The following CCDC106 variants were observed in gnomAD, a reference collection of about 807,000 sequenced individuals.
CCDC106 encodes the protein coiled-coil domain-containing protein 106.
A neutral mutation model predicts 24.7 loss-of-function variants in CCDC106; 17 were observed. The observed-to-expected ratio is 0.69, with a 90% CI of 0.47 to 1.03. The LOEUF is 1.03. Ranked by LOEUF, CCDC106 falls within the 50% of genes least tolerant of loss-of-function variation. The pLI is 0.00. For missense variants in CCDC106, 337 were observed against 388.9 expected (o/e 0.87, Z 1.12); for synonymous variants, 211 against 161.3 (o/e 1.31, Z -2.34).
Position 55,652,173 on chromosome 19 carries a change from G to C in CCDC106, c.527-257G>C, listed in dbSNP as rs974068673. On this transcript the variant is annotated intron_variant, in intron 4 of 4. Coordinates refer to ENST00000586790, the MANE Select transcript of CCDC106 (RefSeq NM_001370470.1). The surrounding 1 kb of genome is among the most constrained non-coding windows in gnomAD (Gnocchi z 5.9). ...GCTGGGACCGCGTGGGTTGAACCCGGCCTCTTGGCTCATTTTGTCTCCTCA... is the reference window on the plus strand; with the variant it reads ...GCTGGGACCGCGTGGGTTGAACCCGCCCTCTTGGCTCATTTTGTCTCCTCA... Among the ~76,000 whole-genome samples, 1 of 151,962 alleles carries C rather than the reference G, an allele frequency of 6.6e-6. No homozygotes were observed. The highest frequency in any genetic ancestry group is 2.4e-5 in the African/African-American group (1 of 41,358).
chr19:55,651,928 C>T (rs768564683), intron 4 of CCDC106, among the ~76,000 whole-genome samples: 5 of 152,156 alleles, frequency 3.3e-5, no homozygotes, highest in Non-Finnish European at 5.9e-5. Flanking sequence ...TCCCAAAGTG[C>T]TGGGATTACA....
At position 55,653,003 on chromosome 19, in the gene CCDC106, C is replaced by T. The variant is rs1983441963; in HGVS notation, c.*257C>T. Reference sequence around the variant, plus strand: ...TCCTGGAAAACCAGGCAGGCGGGTGCCCCCCCCTCGAGTGGGGGACTGTAC... The same window carrying T: ...TCCTGGAAAACCAGGCAGGCGGGTGTCCCCCCCTCGAGTGGGGGACTGTAC... On this transcript the variant is annotated 3_prime_UTR_variant, in exon 5 of 5. Transcript: ENST00000586790. 1 of 365,914 alleles carries T rather than the reference C, an allele frequency of 2.7e-6. No individual in the cohort carries two copies. The highest frequency in any genetic ancestry group is 4.7e-6 in the Non-Finnish European group (1 of 211,660). 22.7% of individuals were successfully genotyped at this position (365,914 alleles called of 1,614,324 possible).
chr19:55,652,545 G>A lies in CCDC106; in HGVS notation c.642G>A (p.Ala214=). 6.2e-7 allele frequency: 1 copy of A among 1,613,576 alleles called. No homozygotes were observed. Among genetic ancestry groups the A allele is most frequent in the Middle Eastern group, 1.6e-4 (1 of 6,062 alleles). The part of the protein sequence containing the change: ...EHHRVDRNTV[A]LTTPIAELLI... ...ACCGCGTGGACAGGAACACCGTGGC[G>A]CTGACCACGCCCATCGCCGAGCTGC... Residue 214 remains alanine, a synonymous_variant, in exon 5 of 5, where the codon GCG becomes GCA. Transcript: ENST00000586790. The surrounding 1 kb of genome is among the most constrained non-coding windows in gnomAD (Gnocchi z 5.9).
chr19:55,652,422 C>T lies in CCDC106; in HGVS notation c.527-8C>T, dbSNP rs757322351. The T allele has an allele frequency of 1.3e-6, 2 of 1,586,826 alleles. No individual in the cohort carries two copies. The highest frequency in any genetic ancestry group is 1.1e-5 in the South Asian group (1 of 88,918). On this transcript the variant is annotated splice_polypyrimidine_tract_variant and splice_region_variant and intron_variant, in intron 4 of 4. Transcript: ENST00000586790. This position sits in a 1 kb window ranked among gnomAD's most constrained non-coding sequence, Gnocchi z 5.9. ...CCTCACTTTCGTGTCCCCGCCTCCACCCCTCAGTGAAGGACGCCGACGGGG... is the reference window on the plus strand; with the variant it reads ...CCTCACTTTCGTGTCCCCGCCTCCATCCCTCAGTGAAGGACGCCGACGGGG...
Position 55,649,201 on chromosome 19 carries a change from CCA to C in CCDC106, c.32-3_32-2del. The C allele has an allele frequency of 6.2e-7, 1 of 1,612,758 alleles. No individual in the cohort carries two copies. The highest frequency in any genetic ancestry group is 1.7e-5 in the Admixed American group (1 of 60,020). Reference sequence around the variant, plus strand: ...TGGGGTAACCCGGGGCCTCTCCTCTCCAGTGAAGGACGATGAGACCTTCGAGA... The same window carrying C: ...TGGGGTAACCCGGGGCCTCTCCTCTCGTGAAGGACGATGAGACCTTCGAGA... On this transcript the variant is annotated splice_acceptor_variant and splice_polypyrimidine_tract_variant and intron_variant, in intron 1 of 4. Coordinates refer to ENST00000586790, the MANE Select transcript of CCDC106 (RefSeq NM_001370470.1). LOFTEE classifies it high-confidence loss of function.
rs559213341 is a variant in CCDC106, at chr19:55,648,764, A to G, written c.-283A>G. On this transcript the variant is annotated 5_prime_UTR_variant, in exon 1 of 5. Coordinates refer to ENST00000586790, the MANE Select transcript of CCDC106 (RefSeq NM_001370470.1). Reference sequence around the variant, plus strand: ...CTTTTCCTTCGATACCCAGGAGCCCACGTCCCCAGCTCACTTCTCCCCCAG... The same window carrying G: ...CTTTTCCTTCGATACCCAGGAGCCCGCGTCCCCAGCTCACTTCTCCCCCAG... 672 of 532,466 alleles carry G rather than the reference A, an allele frequency of 1.3e-3. 1 individual carries two copies. The highest frequency in any genetic ancestry group is 2.0e-3 in the Non-Finnish European group (584 of 299,258). The allele number at this position is 532,466 out of a possible 1,614,324, so 33.0% of individuals were successfully genotyped here. A position where few individuals can be genotyped will look rare whatever the true frequency, so the allele number is the denominator to read the frequency against.
intron 3 of CCDC106, among the ~76,000 whole-genome samples, chr19:55,650,746 C>T (rs1983196611): frequency 6.6e-6 from 1 of 152,182 alleles, no homozygotes; most frequent in East Asian, 1.9e-4. Flanking sequence ...TCGGCACTTT[C>T]CCAGTGGGGA....
Position 55,652,366 on chromosome 19 carries a change from C to T in CCDC106, c.527-64C>T, listed in dbSNP as rs1983366868. The T allele has an allele frequency of 2.8e-6, 4 of 1,414,452 alleles. No homozygotes were observed. The highest frequency in any genetic ancestry group is 1.4e-5 in the African/African-American group (1 of 69,960). The allele number at this position is 1,414,452 out of a possible 1,614,324, so 87.6% of individuals were successfully genotyped here. On this transcript the variant is annotated intron_variant, in intron 4 of 4. Transcript: ENST00000586790. This position sits in a 1 kb window ranked among gnomAD's most constrained non-coding sequence, Gnocchi z 5.9. ...TTCTTCCCATGGCCGTTTCCCTTCC[C>T]GTGTCCGCCCCCTCAGTCTTGTGCC... is the stretch of plus-strand genomic sequence containing the variant.
chr19:55,651,695 G>T (rs556607751), intron 4 of CCDC106, among the ~76,000 whole-genome samples, 200 bp downstream of exon 4: 2 of 151,026 alleles, frequency 1.3e-5, no homozygotes, highest in South Asian at 2.1e-4. Flanking sequence ...GTCTTGCCCC[G>T]TCGCCCAGGC....
In CCDC106 at chr19:55,651,500, G is replaced by C; in HGVS notation, c.526+5G>C. ...AGGCCCGGGAGAGGCAGCGAGGTGA[G>C]TGGGGTGCATGGGGCGGGCGCTGAG... is the stretch of plus-strand genomic sequence containing the variant. On this transcript the variant is annotated splice_donor_5th_base_variant and intron_variant, in intron 4 of 4. Transcript: ENST00000586790. 1.3e-6 allele frequency: 2 copies of C among 1,555,936 alleles called. No individual in the cohort carries two copies. Among genetic ancestry groups the C allele is most frequent in the Non-Finnish European group, 1.7e-6 (2 of 1,150,552 alleles).
In CCDC106 at chr19:55,652,906, G is replaced by T. The variant is rs1393007238; in HGVS notation, c.*160G>T. 3.1e-6 allele frequency: 2 copies of T among 641,368 alleles called. No individual in the cohort carries two copies. 39.7% of individuals were successfully genotyped at this position (641,368 alleles called of 1,614,324 possible). Reference sequence around the variant, plus strand: ...CAAGCGCGACGGCCCCGGACCGGCCGCGGCCCCTTCCCGAACGCCGGCACC... The same window carrying T: ...CAAGCGCGACGGCCCCGGACCGGCCTCGGCCCCTTCCCGAACGCCGGCACC... On this transcript the variant is annotated 3_prime_UTR_variant, in exon 5 of 5. Transcript: ENST00000586790. The surrounding 1 kb of genome is among the most constrained non-coding windows in gnomAD (Gnocchi z 5.9).
At chr19:55,650,615 T>C (rs310470) in intron 3 of CCDC106, among the ~76,000 whole-genome samples, 149,878 of 152,324 alleles carry the variant, frequency 0.98, 73,748 homozygotes, top group African/African-American at 1. Flanking sequence ...GGGATCTGGC[T>C]TTCCCTCTGC....
At chr19:55,647,580 A>G (rs577462033), upstream of CCDC106, among the ~76,000 whole-genome samples, 1 of 152,304 alleles carries the variant, frequency 6.6e-6, no homozygotes, top group East Asian at 1.9e-4. Context: ...TTTGCAGGTG[A>G]GTTAACAGGC....
In CCDC106 at chr19:55,649,426, C is replaced by T. The variant is rs141190085; in HGVS notation, c.155C>T (p.Ser52Phe). ...TCCCTAGAGCCTCCGGAGGCTGCGTCCTCCGCCCTGGCTCTGATGAACAGC... is the reference window on the plus strand; with the variant it reads ...TCCCTAGAGCCTCCGGAGGCTGCGTTCTCCGCCCTGGCTCTGATGAACAGC... ...RNFEEPPEAA[S>F]SALALMNSVK... Residue 52 changes from serine to phenylalanine, a missense_variant, in exon 3 of 5, where the codon TCC (serine) becomes TTC (phenylalanine). Physicochemically the swap from Ser to Phe is radical, Grantham distance 155 (BLOSUM62 -2). This residue lies in a region of CCDC106 where 234 missense variants were observed against 236.5 expected (regional missense o/e 0.99). Coordinates refer to ENST00000586790, the MANE Select transcript of CCDC106 (RefSeq NM_001370470.1). The T allele has an allele frequency of 6.0e-5, 97 of 1,614,082 alleles. No homozygotes were observed. The highest frequency in any genetic ancestry group is 6.4e-5 in the Non-Finnish European group (75 of 1,179,996).
At position 55,649,321 on chromosome 19, in the gene CCDC106, G is replaced by T. The variant is rs149619834; in HGVS notation, c.136+12G>T. 4.0e-4 allele frequency: 648 copies of T among 1,612,760 alleles called. 4 individuals carry two copies. Among genetic ancestry groups the T allele is most frequent in the Admixed American group, 6.5e-4 (39 of 60,024 alleles). The stretch of plus-strand genomic sequence containing the variant: ...GAGAAACTTCGAGGGTGAGCTGAGG[G>T]GGTGTGGAGGGACTGGAGTCAGCTG... On this transcript the variant is annotated intron_variant, in intron 2 of 4. Coordinates refer to ENST00000586790, the MANE Select transcript of CCDC106 (RefSeq NM_001370470.1).
Position 55,652,893 on chromosome 19 carries a change from C to T in CCDC106, c.*147C>T. The T allele has an allele frequency of 2.8e-6, 2 of 705,378 alleles. No individual in the cohort carries two copies. The highest frequency in any genetic ancestry group is 2.3e-6 in the Non-Finnish European group (1 of 435,008). The allele number at this position is 705,378 out of a possible 1,614,324, so 43.7% of individuals were successfully genotyped here. A position where few individuals can be genotyped will look rare whatever the true frequency, so the allele number is the denominator to read the frequency against. ...TTAGCCGGGCCCCCAAGCGCGACGG[C>T]CCCGGACCGGCCGCGGCCCCTTCCC... On this transcript the variant is annotated 3_prime_UTR_variant, in exon 5 of 5. Coordinates refer to ENST00000586790, the MANE Select transcript of CCDC106 (RefSeq NM_001370470.1). This position sits in a 1 kb window ranked among gnomAD's most constrained non-coding sequence, Gnocchi z 5.9.
chr19:55,648,935 A>G lies in CCDC106; in HGVS notation c.-112A>G, dbSNP rs1983045850. 3.7e-6 allele frequency: 4 copies of G among 1,070,382 alleles called. No homozygotes were observed. The allele number at this position is 1,070,382 out of a possible 1,614,324, so 66.3% of individuals were successfully genotyped here. ...CAGAAGGTCCCTCCTGTCTCACTTC[A>G]CCTCCCCCAGGATGGACCCTCCAGT... On this transcript the variant is annotated 5_prime_UTR_variant, in exon 1 of 5. Transcript: ENST00000586790.
At position 55,652,888 on chromosome 19, in the gene CCDC106, G is replaced by A; in HGVS notation, c.*142G>A. ...CTCCCTTAGCCGGGCCCCCAAGCGC[G>A]ACGGCCCCGGACCGGCCGCGGCCCC... is the stretch of plus-strand genomic sequence containing the variant. On this transcript the variant is annotated 3_prime_UTR_variant, in exon 5 of 5. Coordinates refer to ENST00000586790, the MANE Select transcript of CCDC106 (RefSeq NM_001370470.1). The surrounding 1 kb of genome is among the most constrained non-coding windows in gnomAD (Gnocchi z 5.9). The A allele has an allele frequency of 7.0e-6, 5 of 713,006 alleles. No homozygotes were observed. The highest frequency in any genetic ancestry group is 9.1e-6 in the Non-Finnish European group (4 of 441,940). The allele number at this position is 713,006 out of a possible 1,614,324, so 44.2% of individuals were successfully genotyped here. A position where few individuals can be genotyped will look rare whatever the true frequency, so the allele number is the denominator to read the frequency against.
rs950706520 is a variant in CCDC106, at chr19:55,649,487, C to T, written c.216C>T (p.Asn72=). ...KTQLHMALER[N]SWLQKRIEDL... is the part of the protein sequence containing the mutation. ...AGCTGCACATGGCTCTGGAGAGGAA[C>T]TCCTGGCTGCAGAAGCGCATCGAGG... The change falls in exon 3 of 5, where the codon AAC becomes AAT. Residue 72 remains asparagine, a synonymous_variant. Coordinates refer to ENST00000586790, the MANE Select transcript of CCDC106 (RefSeq NM_001370470.1). 1 of 1,614,156 alleles carries T rather than the reference C, an allele frequency of 6.2e-7. No homozygotes were observed. Among genetic ancestry groups the T allele is most frequent in the Non-Finnish European group, 8.5e-7 (1 of 1,180,010 alleles).
Sources: allele counts gnomAD v4.1 joint callset (sites outside exome capture counted in the v4.1 genomes callset), GRCh38; gene constraint gnomAD v4.1.1; regional missense constraint gnomAD v4.1.1; non-coding constraint Gnocchi (gnomAD v3.1); transcripts MANE v1.5; gene names NCBI Gene and HGNC (gene_info 2026-07-23, HGNC 2026-07-21).